DOCK1: variants seen among roughly 807,000 people sequenced by gnomAD.
DOCK1 encodes the protein dedicator of cytokinesis 1.
DOCK1 carries 138 observed loss-of-function variants against 262.7 expected under a neutral mutation model. The ratio of observed to expected loss-of-function variants is 0.53; its 90% CI spans 0.46 to 0.61. DOCK1 has a LOEUF of 0.61. Ranked by LOEUF, DOCK1 falls within the 20% of genes least tolerant of loss-of-function variation. The pLI, the probability that DOCK1 is intolerant of heterozygous loss-of-function variation, is 0.00. For synonymous variants in DOCK1, 866 were observed against 867.4 expected (o/e 1.00, Z 0.03); for missense variants, 1,908 against 2,370.7 (o/e 0.80, Z 4.05).
chr10:127,284,816 C>A (rs1332458377), intron 29 of DOCK1, among the ~76,000 whole-genome samples: 2 of 151,990 alleles, frequency 1.3e-5, no homozygotes, highest in Non-Finnish European at 2.9e-5. Context: ...TTTTAATTAC[C>A]ATTTCTTTAT....
intron 49 of DOCK1, among the ~76,000 whole-genome samples, chr10:127,442,285 G>GATAGGCTTCAAT (rs1483332173): frequency 6.6e-6 from 1 of 152,102 alleles, no homozygotes; most frequent in African/African-American, 2.4e-5. Flanking sequence ...AGACATTGAA[G>GATAGGCTTCAAT]CCTATGTGCT....
At chr10:127,018,577 C>A in intron 12 of DOCK1, 133 bp from the exon 13 acceptor site, 1 of 1,433,884 alleles carries the variant, frequency 7.0e-7, no homozygotes, top group Non-Finnish European at 9.5e-7. Flanking sequence ...CTCTCTTTCT[C>A]ATATACCCAC....
At chr10:126,932,291 C>T (rs1463014484) in intron 1 of DOCK1, among the ~76,000 whole-genome samples, 1 of 152,210 alleles carries the variant, frequency 6.6e-6, no homozygotes, top group Non-Finnish European at 1.5e-5. Context: ...CGCCTAGTCT[C>T]AGCTATGCCG....
chr10:126,994,391 G>A (rs908406981), intron 6 of DOCK1, among the ~76,000 whole-genome samples: 9 of 152,158 alleles, frequency 5.9e-5, no homozygotes, highest in African/African-American at 2.2e-4. Context: ...AGGGTCATAG[G>A]ACAATAGTGG....
chr10:127,219,167 C>T (rs1413233791), intron 27 of DOCK1, among the ~76,000 whole-genome samples: 1 of 152,152 alleles, frequency 6.6e-6, no homozygotes, highest in Non-Finnish European at 1.5e-5. Flanking sequence ...GTTTTCCTTT[C>T]AGGAGAAAGT....
intron 32 of DOCK1, among the ~76,000 whole-genome samples, chr10:127,355,111 CTTCTAAAGGGTTAATTCCCCTCCTCAAA>C (rs2064079075): frequency 1.3e-5 from 2 of 152,202 alleles, no homozygotes; most frequent in African/African-American, 4.8e-5. Flanking sequence ...CAGACTCTGC[CTTCTAAAGGGTTAATTCCCCTCCTCAAA>C]ACCAGATCTA....
chr10:127,397,306 A>AGTGT (rs2066937869), intron 38 of DOCK1, among the ~76,000 whole-genome samples: 2 of 68,178 alleles, frequency 2.9e-5, no homozygotes, highest in Non-Finnish European at 3.3e-5. Context: ...ACGGGCGGCA[A>AGTGT]CTCCTATGTG....
At chr10:127,214,218 A>AT (rs1343013997) in intron 27 of DOCK1, among the ~76,000 whole-genome samples, 1 of 152,108 alleles carries the variant, frequency 6.6e-6, no homozygotes, top group Non-Finnish European at 1.5e-5. Flanking sequence ...ATGACAAATC[A>AT]TTCAGTGGGC....
At chr10:127,347,118 C>T (rs1450043230) in intron 31 of DOCK1, among the ~76,000 whole-genome samples, 1 of 152,234 alleles carries the variant, frequency 6.6e-6, no homozygotes, top group East Asian at 1.9e-4. Context: ...AATAGCAAAA[C>T]CTGCATAAGA....
intron 27 of DOCK1, among the ~76,000 whole-genome samples, chr10:127,155,718 T>C (rs1380168297): frequency 6.6e-6 from 1 of 152,192 alleles, no homozygotes; most frequent in Non-Finnish European, 1.5e-5. Context: ...TTCCACATGA[T>C]GACATCACCC....
chr10:127,421,452 A>T (rs2068505125), intron 46 of DOCK1, among the ~76,000 whole-genome samples: 2 of 152,240 alleles, frequency 1.3e-5, no homozygotes, highest in African/African-American at 4.8e-5. Flanking sequence ...TATTATAAAT[A>T]ATTGTGATAA....
At chr10:127,308,283 C>A (rs946180322) in intron 29 of DOCK1, among the ~76,000 whole-genome samples, 1 of 152,192 alleles carries the variant, frequency 6.6e-6, no homozygotes, top group Non-Finnish European at 1.5e-5. Flanking sequence ...TGGGGCCTGG[C>A]CTCCTCCTTG....
intron 22 of DOCK1, 109 bp downstream of exon 22, chr10:127,052,924 C>A (rs2044840977): frequency 1.4e-6 from 2 of 1,464,910 alleles, no homozygotes; most frequent in Non-Finnish European, 1.8e-6. Context: ...TCTTCTTCCC[C>A]CTTTTTCCCC....
intron 33 of DOCK1, among the ~76,000 whole-genome samples, chr10:127,363,308 G>A (rs1044582198): frequency 1.1e-4 from 17 of 152,138 alleles, no homozygotes; most frequent in African/African-American, 3.9e-4. Flanking sequence ...TCAGGAGTTC[G>A]AGACCAGCCT....
At chr10:127,327,759 A>T (rs1459943087) in intron 29 of DOCK1, among the ~76,000 whole-genome samples, 2 of 152,174 alleles carry the variant, frequency 1.3e-5, no homozygotes, top group Non-Finnish European at 2.9e-5. Flanking sequence ...CTCTCTATAG[A>T]CACTGAGGCT....
Position 127,226,171 on chromosome 10 carries a change from TTC to T in DOCK1, c.2848-21833_2848-21832del, listed in dbSNP as rs141590985. 4.9e-3 allele frequency among the ~76,000 whole-genome samples: 743 copies of T among 152,290 alleles called. 2 individuals are homozygous for T. The highest frequency in any genetic ancestry group is 8.3e-3 in the Admixed American group (127 of 15,286). Reference sequence around the variant, plus strand: ...TGGAGTTTCCTAATCATCAGTTTTTTTCTCTGTCATTTTGAGCTTCCTGGAAT... The same window carrying T: ...TGGAGTTTCCTAATCATCAGTTTTTTTCTGTCATTTTGAGCTTCCTGGAAT... On this transcript the variant is annotated intron_variant, in intron 27 of 51. Transcript: ENST00000623213.
At chr10:127,170,265 A>G (rs1276245933) in intron 27 of DOCK1, among the ~76,000 whole-genome samples, 1 of 152,144 alleles carries the variant, frequency 6.6e-6, no homozygotes, top group South Asian at 2.1e-4. Context: ...GTAAAGTCAC[A>G]AAGCCCCGAA....
chr10:127,294,575 G>A (rs368239387), intron 29 of DOCK1, among the ~76,000 whole-genome samples: 14 of 152,128 alleles, frequency 9.2e-5, no homozygotes, highest in Admixed American at 7.9e-4. Context: ...ACCCACCCTG[G>A]CCTCCCAAAG....
intron 29 of DOCK1, among the ~76,000 whole-genome samples, chr10:127,261,669 G>A (rs2060131788): frequency 7.1e-6 from 1 of 140,142 alleles, no homozygotes; most frequent in East Asian, 2.3e-4. Context: ...GGGTGTGTGT[G>A]TACCTGCATG....
Sources: allele counts gnomAD v4.1 joint callset (sites outside exome capture counted in the v4.1 genomes callset), GRCh38; gene constraint gnomAD v4.1.1; transcripts MANE v1.5; gene names NCBI Gene and HGNC (gene_info 2026-07-23, HGNC 2026-07-21).